TASOR2: variants seen among roughly 807,000 people sequenced by gnomAD.
TASOR2 encodes protein TASOR 2.
In TASOR2, 84 loss-of-function variants were observed where a neutral mutation model predicts 199.5. That is an observed-to-expected ratio of 0.42 (90% CI 0.35 to 0.50). The LOEUF (loss-of-function observed/expected upper bound fraction) is 0.50. TASOR2 is among the 20% of genes least tolerant of loss of function. TASOR2 has a pLI of 0.02. For missense variants in TASOR2, 2,796 were observed against 2,835.9 expected (o/e 0.99, Z 0.32); for synonymous variants, 1,103 against 1,046.6 (o/e 1.05, Z -1.04).
At position 5,748,966 on chromosome 10, in the gene TASOR2, T is replaced by C. The variant is rs369566536; in HGVS notation, c.5545T>C (p.Tyr1849His). The C allele has an allele frequency of 1.3e-5, 21 of 1,613,994 alleles. No individual in the cohort carries two copies. Among genetic ancestry groups the C allele is most frequent in the Non-Finnish European group, 1.4e-5 (17 of 1,180,034 alleles). Residue 1849 changes from tyrosine to histidine, a missense_variant, in exon 15 of 21, where the codon TAT (tyrosine) becomes CAT (histidine). Physicochemically the swap from Tyr to His is moderately conservative, Grantham distance 83. Coordinates refer to ENST00000328090, the Ensembl canonical transcript of TASOR2. The surrounding 1 kb of genome is among the most constrained non-coding windows in gnomAD (Gnocchi z 5.1). ...TCCCAGACTGGATTTGGAGGATTCT[T>C]ATACTTTAAGAGGTAGTTACACCAG...
exon 15 of TASOR2, chr10:5,746,620 G>A: frequency 6.2e-7 from 1 of 1,614,152 alleles, no homozygotes; most frequent in Non-Finnish European, 8.5e-7. Context: ...AATACAGACA[G>A]AAGGTGTAAA....
chr10:5,693,699 T>TC (rs1836778640), intron 1 of TASOR2, among the ~76,000 whole-genome samples: 1 of 152,232 alleles, frequency 6.6e-6, no homozygotes, highest in Non-Finnish European at 1.5e-5. Flanking sequence ...AGATCTTTTT[T>TC]CCAAAGTGGA....
chr10:5,758,433 G>A lies in TASOR2; in HGVS notation c.6887-454G>A, dbSNP rs538767987. Among the ~76,000 whole-genome samples the A allele has an allele frequency of 2.0e-5, 3 of 152,218 alleles. No individual in the cohort carries two copies. In the South Asian group the frequency reaches 6.2e-4, roughly 32 times the overall value. On this transcript the variant is annotated intron_variant, in intron 17 of 20. Transcript: ENST00000328090. ...GTGTGTGCCTGTAGTCCCAGCTAAG[G>A]AGACTAAGGATGGAGGATTACTTGA... is the stretch of plus-strand genomic sequence containing the variant.
chr10:5,762,991 A>ATT (rs758503914), intron 20 of TASOR2, 38 bp from the exon 22 acceptor site: 2 of 1,601,346 alleles, frequency 1.2e-6, no homozygotes, highest in South Asian at 2.2e-5. Context: ...TGTTCGTATT[A>ATT]TTTTAAGAAG....
At chr10:5,696,681 T>G (rs1187542037) in intron 1 of TASOR2, among the ~76,000 whole-genome samples, 2 of 152,064 alleles carry the variant, frequency 1.3e-5, no homozygotes, top group Non-Finnish European at 2.9e-5. Context: ...TGCCTCACAT[T>G]TGAGTATAAA....
exon 19 of TASOR2, chr10:5,761,307 A>G (rs993893236): frequency 3.7e-6 from 6 of 1,613,472 alleles, no homozygotes; most frequent in African/African-American, 1.3e-5. Context: ...TCAACTGCAC[A>G]TAAGAAGAAC....
At chr10:5,700,981 A>G (rs1457205021) in intron 1 of TASOR2, among the ~76,000 whole-genome samples, 1 of 120,430 alleles carries the variant, frequency 8.3e-6, no homozygotes, top group Non-Finnish European at 1.9e-5. Flanking sequence ...CTTTTTTTTT[A>G]GCTTGATGTA....
chr10:5,691,140 G>A (rs1836372669), intron 1 of TASOR2, among the ~76,000 whole-genome samples: 1 of 149,316 alleles, frequency 6.7e-6, no homozygotes, highest in Non-Finnish European at 1.5e-5. Flanking sequence ...GCAGCGAGCC[G>A]AGATCACGCC....
intron 11 of TASOR2, among the ~76,000 whole-genome samples, chr10:5,731,422 G>A (rs1656466503): frequency 6.6e-6 from 1 of 152,198 alleles, no homozygotes; most frequent in South Asian, 2.1e-4. Flanking sequence ...TAGCTACTCG[G>A]AAGGTTGAGG....
intron 1 of TASOR2, among the ~76,000 whole-genome samples, chr10:5,708,495 T>A (rs528891060): frequency 6.6e-6 from 1 of 152,194 alleles, no homozygotes; most frequent in Non-Finnish European, 1.5e-5. Flanking sequence ...TTTTTCTTCC[T>A]TGTCTATTCT....
chr10:5,739,246 G>GT (rs1315735393), intron 12 of TASOR2, among the ~76,000 whole-genome samples: 5 of 151,982 alleles, frequency 3.3e-5, no homozygotes, highest in Admixed American at 6.6e-5. Context: ...TCTTTTTTGG[G>GT]TTTTTTTGTT....
intron 19 of TASOR2, 68 bp downstream of exon 20, chr10:5,761,539 A>G: frequency 7.2e-7 from 1 of 1,384,984 alleles, no homozygotes; most frequent in South Asian, 1.3e-5. Context: ...TCAAAGTTAG[A>G]TACCTGATGA....
chr10:5,731,002 A>G, exon 11 of TASOR2: 1 of 1,614,148 alleles, frequency 6.2e-7, no homozygotes, highest in Non-Finnish European at 8.5e-7. Context: ...AGCAAAGAAG[A>G]GAGTTTTTCC....
chr10:5,756,015 A>C (rs910702707), intron 15 of TASOR2, among the ~76,000 whole-genome samples: 3 of 151,946 alleles, frequency 2.0e-5, no homozygotes, highest in Non-Finnish European at 4.4e-5. Context: ...AAGAAATGTC[A>C]AAGTCATAGG....
rs763355992 is a variant in TASOR2 at position 5,730,437 on chromosome 10, G to A, written c.488-50G>A. ...AAAGCTTTTTTTTCCAGAATGTTTT[G>A]TTTTTAAAAAATAAACTTCAGATGT... On this transcript the variant is annotated intron_variant, in intron 10 of 20. Coordinates refer to ENST00000328090, the Ensembl canonical transcript of TASOR2. The surrounding 1 kb of genome is among the most constrained non-coding windows in gnomAD (Gnocchi z 4.1). 1 of 1,361,914 alleles carries A rather than the reference G, an allele frequency of 7.3e-7. No homozygotes were observed. The highest frequency in any genetic ancestry group is 2.3e-5 in the Admixed American group (1 of 42,790). 84.4% of individuals were successfully genotyped at this position (1,361,914 alleles called of 1,614,324 possible). A position where few individuals can be genotyped will look rare whatever the true frequency, so the allele number is the denominator to read the frequency against.
intron 1 of TASOR2, among the ~76,000 whole-genome samples, chr10:5,708,566 T>TTCTTTCTCTCCTTTTCTCTC (rs1831448714): frequency 6.6e-6 from 1 of 151,486 alleles, no homozygotes; most frequent in Non-Finnish European, 1.5e-5. Flanking sequence ...TTCTTTTTCT[T>TTCTTTCTCTCCTTTTCTCTC]TCTTTCTCTC....
chr10:5,708,638 T>TCCTC (rs1831494702), intron 1 of TASOR2, among the ~76,000 whole-genome samples: 1 of 13,406 alleles, frequency 7.5e-5, no homozygotes, highest in Non-Finnish European at 3.8e-4. Flanking sequence ...CTTCCTCCCT[T>TCCTC]CCTTCCTTCC....
Position 5,759,539 on chromosome 10 carries a change from C to T in TASOR2, c.6992+547C>T, listed in dbSNP as rs1345044104. Among the ~76,000 whole-genome samples the T allele has an allele frequency of 2.6e-5, 4 of 152,354 alleles. No homozygotes were observed. In the South Asian group the frequency reaches 6.2e-4, roughly 24 times the overall value. ...AAGCAGGACCAATTGGAAAAGCAGA[C>T]CTGACAAGCCCTTGTGAAATAAGGA... On this transcript the variant is annotated intron_variant, in intron 18 of 20. Coordinates refer to ENST00000328090, the Ensembl canonical transcript of TASOR2.
At position 5,757,726 on chromosome 10, in the gene TASOR2, C is replaced by T. The variant is rs1394981336; in HGVS notation, c.6886+53C>T. On this transcript the variant is annotated intron_variant, in intron 17 of 20. Transcript: ENST00000328090. ...CTTTGAAGTCAGATCAACTTCTCAC[C>T]CAGTGACCTAAATACTGTTTCATCC... 5.1e-6 allele frequency: 8 copies of T among 1,573,654 alleles called. No homozygotes were observed. In the African/African-American group the frequency reaches 6.8e-5, roughly 13 times the overall value.
Sources: allele counts gnomAD v4.1 joint callset (sites outside exome capture counted in the v4.1 genomes callset), GRCh38; gene constraint gnomAD v4.1.1; non-coding constraint Gnocchi (gnomAD v3.1); transcripts MANE v1.5; gene names NCBI Gene and HGNC (gene_info 2026-07-23, HGNC 2026-07-21).